Variants in MCM10 observed in about 807,000 individuals in gnomAD.
MCM10 encodes protein MCM10 homolog.
MCM10 carries 91 observed loss-of-function variants against 109.9 expected under a neutral mutation model. The ratio of observed to expected loss-of-function variants is 0.83; its 90% CI spans 0.70 to 0.99. The LOEUF is 0.99. Among genes scored for constraint, MCM10 ranks in the 50% least tolerant of loss-of-function variants. The pLI is 0.00. For missense variants in MCM10, 1,077 were observed against 1,061.2 expected (o/e 1.01, Z -0.21); for synonymous variants, 380 against 387.2 (o/e 0.98, Z 0.22).
intron 17 of MCM10, among the ~76,000 whole-genome samples, chr10:13,203,689 T>C (rs947719907): frequency 1.3e-5 from 2 of 152,186 alleles, no homozygotes; most frequent in Non-Finnish European, 2.9e-5. Flanking sequence ...TTCTCCTCGG[T>C]CCTTCTGAGG....
intron 6 of MCM10, among the ~76,000 whole-genome samples, chr10:13,178,405 A>G (rs1743060462): frequency 6.6e-6 from 1 of 152,178 alleles, no homozygotes; most frequent in South Asian, 2.1e-4. Context: ...ATACATTTTG[A>G]GTTGATTTTT....
intron 2 of MCM10, among the ~76,000 whole-genome samples, chr10:13,167,703 A>C (rs78331516): frequency 0.01 from 1,542 of 152,268 alleles, 37 homozygotes; most frequent in African/African-American, 0.032. Context: ...AAAAAGACTG[A>C]ATCATTCCAA....
chr10:13,190,917 G>T (rs1463345814), intron 10 of MCM10, among the ~76,000 whole-genome samples: 1 of 152,186 alleles, frequency 6.6e-6, no homozygotes, highest in Non-Finnish European at 1.5e-5. Flanking sequence ...CCCTGTGGGT[G>T]AACGTTAATG....
intron 10 of MCM10, 94 bp downstream of exon 10, chr10:13,189,174 T>C (rs532647954): frequency 7.6e-7 from 1 of 1,315,502 alleles, no homozygotes; most frequent in South Asian, 1.3e-5. Context: ...CATAGGATAC[T>C]TGTACAGGTT....
chr10:13,197,597 C>T lies in MCM10; in HGVS notation c.1975-26C>T, dbSNP rs1178501118. On this transcript the variant is annotated intron_variant, in intron 14 of 19. Transcript: ENST00000378714. ...GCCTCTGTCATCTTTTAGATCTTTA[C>T]CTCCCTCTCATTCCCTTTTTTCTAG... The T allele has an allele frequency of 5.0e-6, 8 of 1,603,960 alleles. No individual in the cohort carries two copies. In the South Asian group the frequency reaches 6.8e-5, roughly 14 times the overall value.
chr10:13,177,947 G>T (rs1321597336), intron 6 of MCM10, among the ~76,000 whole-genome samples: 1 of 151,988 alleles, frequency 6.6e-6, no homozygotes, highest in East Asian at 1.9e-4. Flanking sequence ...CAGCAAGATT[G>T]TTTGGGAGAT....
At position 13,192,500 on chromosome 10, in the gene MCM10, A is replaced by G; in HGVS notation, c.1677A>G (p.Ala559=). 6.2e-7 allele frequency: 1 copy of G among 1,614,112 alleles called. No homozygotes were observed. Among genetic ancestry groups the G allele is most frequent in the Non-Finnish European group, 8.5e-7 (1 of 1,180,026 alleles). The part of the protein sequence containing the change: ...KPAIKSISAS[A]LLKQQKQRML... ...CCATCAAGTCCATCTCGGCCTCAGC[A>G]CTCTTGAAGCAACAGAAGCAGCGGA... is the stretch of plus-strand genomic sequence containing the variant. Residue 559 remains alanine (A), a synonymous_variant, in exon 13 of 20, where the codon GCA becomes GCG. Coordinates refer to ENST00000378714, the MANE Select transcript of MCM10 (RefSeq NM_018518.5).
chr10:13,182,369 G>A lies in MCM10; in HGVS notation c.931-564G>A, dbSNP rs1404101661. On this transcript the variant is annotated intron_variant, in intron 7 of 19. Transcript: ENST00000378714. The surrounding 1 kb of genome is among the most constrained non-coding windows in gnomAD (Gnocchi z 4.2). Reference sequence around the variant, plus strand: ...CACATGCCTGTAGTCCCAGCTGCTTGGGAGGCTGAGGATGGAGGATTCTTT... The same window carrying A: ...CACATGCCTGTAGTCCCAGCTGCTTAGGAGGCTGAGGATGGAGGATTCTTT... Among the ~76,000 whole-genome samples, 2 of 152,086 alleles carry A rather than the reference G, an allele frequency of 1.3e-5. No individual in the cohort carries two copies. The highest frequency in any genetic ancestry group is 3.9e-4 in the East Asian group (2 of 5,174).
intron 2 of MCM10, among the ~76,000 whole-genome samples, chr10:13,165,655 A>C (rs1478989002): frequency 6.6e-6 from 1 of 152,118 alleles, no homozygotes; most frequent in African/African-American, 2.4e-5. Flanking sequence ...TGGGTGGATC[A>C]CCTGAGGTCA....
At chr10:13,181,921 A>G (rs1834214876) in intron 7 of MCM10, among the ~76,000 whole-genome samples, 1 of 152,204 alleles carries the variant, frequency 6.6e-6, no homozygotes, top group Admixed American at 6.5e-5. Context: ...GCTGTAACCC[A>G]TAACCATCCC....
chr10:13,169,574 G>A (rs1054516006), intron 2 of MCM10, among the ~76,000 whole-genome samples: 17 of 152,160 alleles, frequency 1.1e-4, no homozygotes, highest in Non-Finnish European at 2.2e-4. Context: ...CGATTACAGC[G>A]TATTTAGTAG....
At chr10:13,202,554 G>T (rs1396813737) in intron 17 of MCM10, among the ~76,000 whole-genome samples, 3 of 152,158 alleles carry the variant, frequency 2.0e-5, no homozygotes, top group Non-Finnish European at 2.9e-5. Flanking sequence ...GCATTTGGGG[G>T]TCAGCTCCAA....
Position 13,209,225 on chromosome 10 carries a change from A to G in MCM10, c.2542-2A>G, listed in dbSNP as rs771004556. 1.9e-6 allele frequency: 3 copies of G among 1,613,070 alleles called. No individual in the cohort carries two copies. Among genetic ancestry groups the G allele is most frequent in the Non-Finnish European group, 2.5e-6 (3 of 1,179,062 alleles). On this transcript the variant is annotated splice_acceptor_variant, in intron 19 of 19. Transcript: ENST00000378714. LOFTEE classifies it high-confidence loss of function. Reference sequence around the variant, plus strand: ...CCTATTAAAATATTTTCATTTTTCTAGGAAAAGACTGGTCCAAAGATAGGA... The same window carrying G: ...CCTATTAAAATATTTTCATTTTTCTGGGAAAAGACTGGTCCAAAGATAGGA...
chr10:13,204,263 G>A lies in MCM10; in HGVS notation c.2397G>A (p.Glu799=). 1 of 1,614,174 alleles carries A rather than the reference G, an allele frequency of 6.2e-7. No homozygotes were observed. Among genetic ancestry groups the A allele is most frequent in the Non-Finnish European group, 8.5e-7 (1 of 1,180,028 alleles). Residue 799 remains glutamate, a synonymous_variant, in exon 18 of 20, where the codon GAG becomes GAA. Transcript: ENST00000378714. The stretch of plus-strand genomic sequence containing the variant: ...AGCTGCTGGAGACCTGCGTCAGTGA[G>A]CAGCATGAATACCACTGGCATGATG... The part of the protein sequence containing the change: ...HFKLLETCVS[E]QHEYHWHDGV...
intron 2 of MCM10, among the ~76,000 whole-genome samples, chr10:13,164,436 T>C (rs915185598): frequency 5.3e-5 from 8 of 152,210 alleles, no homozygotes; most frequent in African/African-American, 1.9e-4. Flanking sequence ...ATAATTACAA[T>C]AGCTGGTAGG....
chr10:13,191,440 A>G, intron 11 of MCM10, 41 bp downstream of exon 11: 1 of 1,517,594 alleles, frequency 6.6e-7, no homozygotes, highest in Non-Finnish European at 9.2e-7. Flanking sequence ...TCTCCAGTTT[A>G]ATTATGCAGC....
chr10:13,195,120 A>G lies in MCM10; in HGVS notation c.1825A>G (p.Thr609Ala). 6.2e-7 allele frequency: 1 copy of G among 1,614,174 alleles called. No individual in the cohort carries two copies. The highest frequency in any genetic ancestry group is 8.5e-7 in the Non-Finnish European group (1 of 1,180,024). ...ACAGCCCCCTGCTCAGCCTCCACGG[A>G]CAGGATCCGAGTTCCCCAGGCTGGA... ...SRQPPAQPPR[T>A]GSEFPRLEGA... is the part of the protein sequence containing the mutation. Residue 609 changes from threonine to alanine, a missense_variant, in exon 14 of 20, where the codon ACA (threonine) becomes GCA (alanine). Physicochemically the swap from Thr to Ala is moderately conservative, Grantham distance 58. Transcript: ENST00000378714.
intron 2 of MCM10, among the ~76,000 whole-genome samples, chr10:13,166,314 G>C (rs920201193): frequency 6.6e-6 from 1 of 152,056 alleles, no homozygotes; most frequent in Non-Finnish European, 1.5e-5. Context: ...GGATGAGGAA[G>C]TCTGATTACA....
intron 16 of MCM10, among the ~76,000 whole-genome samples, chr10:13,201,112 C>T (rs968102501): frequency 2.0e-5 from 3 of 152,150 alleles, no homozygotes; most frequent in Non-Finnish European, 4.4e-5. Context: ...CACCACTGCA[C>T]TCTAGCCTAG....
Sources: allele counts gnomAD v4.1 joint callset (sites outside exome capture counted in the v4.1 genomes callset), GRCh38; gene constraint gnomAD v4.1.1; non-coding constraint Gnocchi (gnomAD v3.1); transcripts MANE v1.5; gene names NCBI Gene and HGNC (gene_info 2026-07-23, HGNC 2026-07-21).